The following OTOP1 variants were observed in gnomAD, a reference collection of about 807,000 sequenced individuals.
The protein encoded by OTOP1 is otopetrin 1, also known as proton channel OTOP1.
In OTOP1, 59 loss-of-function variants were observed where a neutral mutation model predicts 52.9. The ratio of observed to expected loss-of-function variants is 1.12; its 90% CI spans 0.91 to 1.39. OTOP1 has a LOEUF of 1.39. Ranked by LOEUF, OTOP1 falls within the 40% of genes most tolerant of loss-of-function variation. OTOP1 has a pLI of 0.00. For synonymous variants in OTOP1, 317 were observed against 337.7 expected, an observed-to-expected ratio of 0.94 and a Z score of 0.67; for missense variants, 761 against 800.9, an observed-to-expected ratio of 0.95 and a Z score of 0.60.
chr4:4,219,424 G>A (rs1046819988), intron 1 of OTOP1, among the ~76,000 whole-genome samples: 3 of 152,096 alleles, frequency 2.0e-5, no homozygotes, highest in South Asian at 2.1e-4. Context: ...ACAGATTGCC[G>A]GGCGCGGTGG....
chr4:4,203,507 G>C (rs1716834713), intron 3 of OTOP1, among the ~76,000 whole-genome samples: 3 of 152,208 alleles, frequency 2.0e-5, no homozygotes, highest in Admixed American at 1.3e-4. Context: ...TTGGCTCTTT[G>C]CCATGCTGCC....
At position 4,197,681 on chromosome 4, in the gene OTOP1, G is replaced by A. The variant is rs1157934422; in HGVS notation, c.1153C>T (p.Pro385Ser). Reference protein sequence around the residue: ...DEKSLDESKNPARKLDSDLLV... With the variant: ...DEKSLDESKNSARKLDSDLLV... Reference sequence around the variant, plus strand: ...AGGTCCGAGTCCAGTTTGCGGGCCGGATTTTTGGACTCATCCAGTGACTTC... The same window carrying A: ...AGGTCCGAGTCCAGTTTGCGGGCCGAATTTTTGGACTCATCCAGTGACTTC... The change falls in exon 5 of 6, where the codon CCG becomes TCG. Residue 385 changes from proline to serine, a missense_variant. By Grantham distance (74) the Pro-to-Ser change is moderately conservative (BLOSUM62 -1). Coordinates refer to ENST00000296358, the MANE Select transcript of OTOP1 (RefSeq NM_177998.3). The A allele has an allele frequency of 6.2e-7, 1 of 1,613,700 alleles. No individual in the cohort carries two copies. The highest frequency in any genetic ancestry group is 1.1e-5 in the South Asian group (1 of 91,018).
chr4:4,201,467 T>TACACAC lies in OTOP1; in HGVS notation c.730+980_730+981insGTGTGT, dbSNP rs374925758. 4.2e-3 allele frequency among the ~76,000 whole-genome samples: 525 copies of TACACAC among 126,358 alleles called. 3 individuals carry two copies. The highest frequency in any genetic ancestry group is 7.8e-3 in the Middle Eastern group (2 of 258). The allele number at this position is 126,358 out of a possible 152,430, so 82.9% of individuals were successfully genotyped here. Reference sequence around the variant, plus strand: ...AATAGAATAAATAAATAAATATATATATATACACACACACACACACACACA... The same window carrying TACACAC: ...AATAGAATAAATAAATAAATATATATACACACATATACACACACACACACACACACA... On this transcript the variant is annotated intron_variant, in intron 4 of 5. Coordinates refer to ENST00000296358, the MANE Select transcript of OTOP1 (RefSeq NM_177998.3).
intron 4 of OTOP1, 98 bp from the exon 5 acceptor site, chr4:4,198,201 G>T: frequency 9.9e-7 from 1 of 1,006,672 alleles, no homozygotes; most frequent in Non-Finnish European, 1.5e-6. Flanking sequence ...TTCAGGCTTG[G>T]GTCTTCCCAC....
At chr4:4,207,872 A>G (rs1716940636) in intron 2 of OTOP1, among the ~76,000 whole-genome samples, 1 of 152,218 alleles carries the variant, frequency 6.6e-6, no homozygotes, top group Non-Finnish European at 1.5e-5. Flanking sequence ...GGGCTTCAAT[A>G]TTTTAAAGAG....
chr4:4,200,367 C>T (rs1310810266), intron 4 of OTOP1, among the ~76,000 whole-genome samples: 5 of 151,318 alleles, frequency 3.3e-5, no homozygotes, highest in African/African-American at 9.7e-5. Flanking sequence ...CCCAGCTACT[C>T]GGGAGGCTGA....
At chr4:4,221,506 G>C (rs1166344982) in intron 1 of OTOP1, among the ~76,000 whole-genome samples, 1 of 152,164 alleles carries the variant, frequency 6.6e-6, no homozygotes, top group Non-Finnish European at 1.5e-5. Flanking sequence ...CCTTCCTGCA[G>C]ACCTGGGCTC....
intron 1 of OTOP1, among the ~76,000 whole-genome samples, chr4:4,219,586 A>C (rs373708882): frequency 1.1e-4 from 16 of 151,552 alleles, no homozygotes; most frequent in African/African-American, 3.9e-4. Flanking sequence ...CCTCCATGCT[A>C]CTCGGTAGGC....
intron 1 of OTOP1, among the ~76,000 whole-genome samples, chr4:4,222,947 C>T (rs1717333519): frequency 6.6e-6 from 1 of 152,220 alleles, no homozygotes; most frequent in Non-Finnish European, 1.5e-5. Flanking sequence ...CATCCCCCAG[C>T]TCCTCCCAGA....
chr4:4,214,842 T>C (rs1483594964), intron 1 of OTOP1, among the ~76,000 whole-genome samples: 1 of 152,138 alleles, frequency 6.6e-6, no homozygotes, highest in Admixed American at 6.5e-5. Flanking sequence ...GAGTTTCAGT[T>C]TTGCAAGACG....
intron 2 of OTOP1, among the ~76,000 whole-genome samples, chr4:4,208,189 T>A (rs1273839228): frequency 6.6e-6 from 1 of 152,204 alleles, no homozygotes; most frequent in Non-Finnish European, 1.5e-5. Context: ...AGGGTGAAAT[T>A]CAACACAGCT....
chr4:4,201,553 A>G (rs1365161897), intron 4 of OTOP1, among the ~76,000 whole-genome samples: 1 of 151,950 alleles, frequency 6.6e-6, no homozygotes, highest in African/African-American at 2.4e-5. Context: ...GGAGGACATG[A>G]GGCCCAAACA....
At chr4:4,204,629 A>G (rs1716856756) in intron 3 of OTOP1, among the ~76,000 whole-genome samples, 1 of 151,866 alleles carries the variant, frequency 6.6e-6, no homozygotes, top group Admixed American at 6.6e-5. Context: ...TGCCTTTCTC[A>G]TCACTGGATT....
At chr4:4,200,046 A>C (rs1716746148) in intron 4 of OTOP1, among the ~76,000 whole-genome samples, 1 of 152,242 alleles carries the variant, frequency 6.6e-6, no homozygotes, top group African/African-American at 2.4e-5. Context: ...AAGATCAAAT[A>C]TATAGTATAA....
intron 1 of OTOP1, among the ~76,000 whole-genome samples, chr4:4,215,103 A>C (rs112023978): frequency 6.6e-6 from 1 of 152,038 alleles, no homozygotes; most frequent in African/African-American, 2.4e-5. Flanking sequence ...TCTACCCAAA[A>C]ATAACATAAT....
intron 1 of OTOP1, among the ~76,000 whole-genome samples, chr4:4,220,900 T>G (rs1717286073): frequency 6.6e-6 from 1 of 152,110 alleles, no homozygotes; most frequent in Admixed American, 6.5e-5. Context: ...TTCTATCCCA[T>G]GCAAGAATGC....
intron 4 of OTOP1, among the ~76,000 whole-genome samples, chr4:4,198,476 G>A (rs1164651042): frequency 6.6e-6 from 1 of 152,270 alleles, no homozygotes; most frequent in Middle Eastern, 3.4e-3. Context: ...TTATCTCTGG[G>A]TGAAAAAATG....
intron 2 of OTOP1, among the ~76,000 whole-genome samples, chr4:4,207,943 G>A (rs1716942939): frequency 1.3e-5 from 2 of 152,158 alleles, no homozygotes; most frequent in Non-Finnish European, 1.5e-5. Context: ...GTAGATAAGA[G>A]GCAAATGGTT....
In OTOP1 at chr4:4,226,722, C is replaced by G. The variant is rs780440800; in HGVS notation, c.143G>C (p.Gly48Ala). 5.0e-6 allele frequency: 7 copies of G among 1,406,744 alleles called. No individual in the cohort carries two copies. Among genetic ancestry groups the G allele is most frequent in the Admixed American group, 3.2e-5 (1 of 31,380 alleles). 87.1% of individuals were successfully genotyped at this position (1,406,744 alleles called of 1,614,324 possible). A position where few individuals can be genotyped will look rare whatever the true frequency, so the allele number is the denominator to read the frequency against. Residue 48 changes from glycine to alanine, a missense_variant, in exon 1 of 6, where the codon GGT (glycine) becomes GCT (alanine). Gly to Ala is a moderately conservative substitution (Grantham distance 60, BLOSUM62 0). Coordinates refer to ENST00000296358, the MANE Select transcript of OTOP1 (RefSeq NM_177998.3). ...TTTCTGTGGGACGCTGGCGCGCACA[C>G]CGCCCCGCCGGGGGGCCGGGGATTC... The part of the protein sequence containing the change: ...SPESPAPRRG[G>A]VRASVPQKLA...
Sources: gnomAD v4.1 joint callset for allele counts (sites outside exome capture counted in the v4.1 genomes callset) on GRCh38, gnomAD v4.1.1 for gene constraint, MANE v1.5 for transcripts, NCBI Gene and HGNC (gene_info 2026-07-23, HGNC 2026-07-21) for gene names.